TBC1D4: variants seen among roughly 807,000 people sequenced by gnomAD.
TBC1D4 encodes TBC (Tre-2, BUB2, CDC16) domain-containing protein.
A neutral mutation model predicts 142.5 loss-of-function variants in TBC1D4; 121 were observed. That is an observed-to-expected ratio of 0.85 (90% CI 0.73 to 0.99). The LOEUF (loss-of-function observed/expected upper bound fraction) is 0.99. Among genes scored for constraint, TBC1D4 ranks in the 50% least tolerant of loss-of-function variants. TBC1D4 has a pLI of 0.00. For missense variants in TBC1D4, 1,475 were observed against 1,606.6 expected (o/e 0.92, Z 1.40); for synonymous variants, 630 against 628.2 (o/e 1.00, Z -0.04).
chr13:75,336,099 T>C (rs1221826650), intron 8 of TBC1D4, among the ~76,000 whole-genome samples: 1 of 152,158 alleles, frequency 6.6e-6, no homozygotes, highest in African/African-American at 2.4e-5. Flanking sequence ...AGCAAACTTA[T>C]TTTGAAAGAT....
intron 1 of TBC1D4, among the ~76,000 whole-genome samples, chr13:75,373,688 C>T (rs1883342472): frequency 6.6e-6 from 1 of 152,150 alleles, no homozygotes; most frequent in Non-Finnish European, 1.5e-5. Flanking sequence ...AAAATTAATC[C>T]TATGACATCT....
chr13:75,436,731 C>T (rs897070119), intron 1 of TBC1D4, among the ~76,000 whole-genome samples: 1 of 151,952 alleles, frequency 6.6e-6, no homozygotes, highest in Non-Finnish European at 1.5e-5. Context: ...TCAATGGACA[C>T]TAATGGGTAA....
intron 1 of TBC1D4, among the ~76,000 whole-genome samples, chr13:75,372,280 T>TC (rs1373812317): frequency 1.3e-5 from 2 of 151,688 alleles, no homozygotes; most frequent in African/African-American, 4.8e-5. Flanking sequence ...CTCACTTTTT[T>TC]TTTTTTGAGA....
At chr13:75,456,139 T>C (rs1029931789) in intron 1 of TBC1D4, among the ~76,000 whole-genome samples, 1 of 152,078 alleles carries the variant, frequency 6.6e-6, no homozygotes. Flanking sequence ...ATAGGCTTAG[T>C]GTCCAATATA....
intron 1 of TBC1D4, among the ~76,000 whole-genome samples, chr13:75,460,928 A>G (rs1452702701): frequency 6.6e-6 from 1 of 152,192 alleles, no homozygotes; most frequent in African/African-American, 2.4e-5. Flanking sequence ...GCTTCAAAAA[A>G]ACAACAAAAA....
intron 1 of TBC1D4, among the ~76,000 whole-genome samples, chr13:75,465,854 A>G (rs1888145583): frequency 6.6e-6 from 1 of 152,096 alleles, no homozygotes; most frequent in African/African-American, 2.4e-5. Context: ...TAACCCACAC[A>G]TTCCTTTCCA....
rs780708104 is a variant in TBC1D4, at chr13:75,362,329, C to A, written c.777G>T (p.Val259=). 2.5e-6 allele frequency: 4 copies of A among 1,614,078 alleles called. No homozygotes were observed. The highest frequency in any genetic ancestry group is 3.4e-6 in the Non-Finnish European group (4 of 1,180,042). ...GEDLADLEVV[V]PGSPGDCLPE... ...GCAGGCAGTCTCCGGGGGACCCGGG[C>A]ACCACCACCTCCAAGTCAGCCAGGT... The change falls in exon 2 of 21, where the codon GTG becomes GTT. Residue 259 remains valine (V), a synonymous_variant. Transcript: ENST00000377636. The surrounding 1 kb of genome is among the most constrained non-coding windows in gnomAD (Gnocchi z 4.2).
At chr13:75,339,615 G>A (rs1392420527) in intron 7 of TBC1D4, among the ~76,000 whole-genome samples, 1 of 150,326 alleles carries the variant, frequency 6.7e-6, no homozygotes, top group African/African-American at 2.4e-5. Flanking sequence ...GGAGTCTCCT[G>A]TCGCCTGGGG....
intron 19 of TBC1D4, 121 bp from the exon 20 acceptor site, chr13:75,289,231 TA>T: frequency 3.4e-6 from 4 of 1,186,752 alleles, no homozygotes; most frequent in Non-Finnish European, 4.8e-6. Context: ...CATTAAAGCA[TA>T]AAAAAGCAAA....
intron 6 of TBC1D4, 54 bp downstream of exon 6, chr13:75,341,442 G>A (rs983366663): frequency 9.7e-6 from 15 of 1,542,280 alleles, no homozygotes; most frequent in Non-Finnish European, 1.3e-5. Context: ...CATAAAAACA[G>A]GATCCAATTC....
intron 3 of TBC1D4, among the ~76,000 whole-genome samples, chr13:75,356,621 T>C (rs1225757033): frequency 1.3e-5 from 2 of 152,206 alleles, no homozygotes; most frequent in Non-Finnish European, 2.9e-5. Context: ...ATAAACCCTG[T>C]TCTTATCTGA....
intron 1 of TBC1D4, among the ~76,000 whole-genome samples, chr13:75,457,028 A>T (rs945492486): frequency 6.6e-6 from 1 of 152,062 alleles, no homozygotes; most frequent in Non-Finnish European, 1.5e-5. Context: ...GTCAGACATA[A>T]AAGAGTGCAT....
intron 1 of TBC1D4, among the ~76,000 whole-genome samples, chr13:75,398,671 G>C (rs1236146794): frequency 6.6e-6 from 1 of 152,136 alleles, no homozygotes; most frequent in African/African-American, 2.4e-5. Flanking sequence ...AAACGTTATG[G>C]GTCCAAAAGT....
chr13:75,352,159 C>T (rs547947740), intron 4 of TBC1D4, among the ~76,000 whole-genome samples: 39 of 152,216 alleles, frequency 2.6e-4, no homozygotes, highest in African/African-American at 8.7e-4. Flanking sequence ...GATTGGAAAC[C>T]TCACCCTGTC....
intron 8 of TBC1D4, among the ~76,000 whole-genome samples, chr13:75,334,986 A>G (rs959582927): frequency 5.9e-5 from 9 of 151,894 alleles, no homozygotes; most frequent in African/African-American, 2.2e-4. Flanking sequence ...CATCTCCACA[A>G]TGGCCACTGC....
At chr13:75,397,721 C>A (rs1884868227) in intron 1 of TBC1D4, among the ~76,000 whole-genome samples, 1 of 152,050 alleles carries the variant, frequency 6.6e-6, no homozygotes, top group African/African-American at 2.4e-5. Context: ...TCCCAGAAAA[C>A]CCAGTTCAAG....
intron 7 of TBC1D4, 118 bp downstream of exon 7, chr13:75,341,007 G>T: frequency 1.2e-6 from 1 of 840,212 alleles, no homozygotes; most frequent in Non-Finnish European, 2.0e-6. Context: ...GAGTGAGGGG[G>T]TAGTTCAGGA....
intron 11 of TBC1D4, among the ~76,000 whole-genome samples, chr13:75,321,548 G>A (rs1161885303): frequency 6.6e-6 from 1 of 152,088 alleles, no homozygotes; most frequent in African/African-American, 2.4e-5. Flanking sequence ...TGATATTTCT[G>A]CAACTTTAGT....
chr13:75,480,895 ACACACACACACG>A (rs1888829342), intron 1 of TBC1D4, among the ~76,000 whole-genome samples: 1 of 123,432 alleles, frequency 8.1e-6, no homozygotes, highest in Admixed American at 9.0e-5. Flanking sequence ...ACACACACAC[ACACACACACACG>A]GCAAGCAAGC....
Sources: allele counts gnomAD v4.1 joint callset (sites outside exome capture counted in the v4.1 genomes callset), GRCh38; gene constraint gnomAD v4.1.1; non-coding constraint Gnocchi (gnomAD v3.1); transcripts MANE v1.5; gene names NCBI Gene and HGNC (gene_info 2026-07-23, HGNC 2026-07-21).